The following DCAF10 variants were observed in gnomAD, a reference collection of about 807,000 sequenced individuals.
The protein encoded by DCAF10 is DDB1- and CUL4-associated factor 10.
DCAF10 carries 19 observed loss-of-function variants against 51.9 expected under a neutral mutation model. The observed-to-expected ratio is 0.37, with a 90% CI of 0.26 to 0.54. DCAF10 has a LOEUF of 0.54. DCAF10 is among the 20% of genes least tolerant of loss of function. The probability of loss-of-function intolerance (pLI) is 0.87; values close to 1 mark genes in which losing one functional copy is unlikely to be tolerated. For missense variants in DCAF10, 510 were observed against 730.6 expected (o/e 0.70, Z 3.48); for synonymous variants, 291 against 297.1 (o/e 0.98, Z 0.21).
chr9:37,855,788 T>A (rs1159694886), intron 4 of DCAF10, among the ~76,000 whole-genome samples: 1 of 152,192 alleles, frequency 6.6e-6, no homozygotes, highest in Admixed American at 6.5e-5. Context: ...GGTGGGAGGA[T>A]CGCTTGAGCC....
Position 37,801,575 on chromosome 9 carries a change from A to G in DCAF10, c.539+170A>G. On this transcript the variant is annotated intron_variant, in intron 1 of 6. Coordinates refer to ENST00000377724, the MANE Select transcript of DCAF10 (RefSeq NM_024345.5). The surrounding 1 kb of genome is among the most constrained non-coding windows in gnomAD (Gnocchi z 5.5). ...TCTGAAGCGCATTCTCGCCCTTGGA[A>G]TCCCCAGCCCAGCTTTTTGAGGCAG... is the stretch of plus-strand genomic sequence containing the variant. 1 of 869,150 alleles carries G rather than the reference A, an allele frequency of 1.2e-6. No individual in the cohort carries two copies. The highest frequency in any genetic ancestry group is 1.6e-6 in the Non-Finnish European group (1 of 633,502). The allele number at this position is 869,150 out of a possible 1,614,324, so 53.8% of individuals were successfully genotyped here.
intron 3 of DCAF10, among the ~76,000 whole-genome samples, chr9:37,853,524 A>T (rs934979415): frequency 6.7e-6 from 1 of 150,348 alleles, no homozygotes; most frequent in African/African-American, 2.5e-5. Context: ...TTAAGCATGT[A>T]TGTAAATCTC....
At chr9:37,826,481 A>G (rs896583690) in intron 2 of DCAF10, among the ~76,000 whole-genome samples, 7 of 152,190 alleles carry the variant, frequency 4.6e-5, no homozygotes, top group Non-Finnish European at 1.0e-4. Flanking sequence ...TACTAATGCT[A>G]TGACCCAGCA....
At chr9:37,855,225 T>C (rs1254646124) in intron 4 of DCAF10, among the ~76,000 whole-genome samples, 1 of 152,238 alleles carries the variant, frequency 6.6e-6, no homozygotes, top group Non-Finnish European at 1.5e-5. Context: ...CTGCTGACCC[T>C]AAAGTATTTT....
At chr9:37,845,965 A>G (rs9886747) in intron 3 of DCAF10, among the ~76,000 whole-genome samples, 29,059 of 152,104 alleles carry the variant, frequency 0.19, 3,178 homozygotes, top group African/African-American at 0.29. Flanking sequence ...AGAACATTCT[A>G]ATTTTATTAA....
In DCAF10 at chr9:37,829,434, C is replaced by T. The variant is rs1279197713; in HGVS notation, c.653+10033C>T. 6.6e-6 allele frequency among the ~76,000 whole-genome samples: 1 copy of T among 151,632 alleles called. No homozygotes were observed. The highest frequency in any genetic ancestry group is 6.6e-5 in the Admixed American group (1 of 15,204). Reference sequence around the variant, plus strand: ...CAGCCTGGGCAACAAGAGCAAGACTCCATGTCAAAAAAATTAATAAATAAA... The same window carrying T: ...CAGCCTGGGCAACAAGAGCAAGACTTCATGTCAAAAAAATTAATAAATAAA... On this transcript the variant is annotated intron_variant, in intron 2 of 6. Transcript: ENST00000377724. The surrounding 1 kb of genome is among the most constrained non-coding windows in gnomAD (Gnocchi z 4.2).
intron 2 of DCAF10, among the ~76,000 whole-genome samples, chr9:37,828,253 C>T (rs980714990): frequency 1.2e-4 from 18 of 152,188 alleles, no homozygotes; most frequent in African/African-American, 4.3e-4. Context: ...TTCACACTAC[C>T]ATATAGTTCA....
chr9:37,804,792 A>AG (rs1829063572), intron 1 of DCAF10, among the ~76,000 whole-genome samples: 1 of 152,006 alleles, frequency 6.6e-6, no homozygotes, highest in Non-Finnish European at 1.5e-5. Flanking sequence ...AAAAAAGTAG[A>AG]GAAAAAAGGC....
chr9:37,808,100 G>A lies in DCAF10; in HGVS notation c.539+6695G>A, dbSNP rs375715146. Reference sequence around the variant, plus strand: ...AGTTTCAAAAGATTGGTATCATACCGAATACAGTTTCTCACCACAATGTGA... The same window carrying A: ...AGTTTCAAAAGATTGGTATCATACCAAATACAGTTTCTCACCACAATGTGA... On this transcript the variant is annotated intron_variant, in intron 1 of 6. Transcript: ENST00000377724. 1.6e-4 allele frequency among the ~76,000 whole-genome samples: 24 copies of A among 152,128 alleles called. No homozygotes were observed. The South Asian group carries it at 3.9e-3, about 25-fold the overall frequency.
chr9:37,809,784 G>A (rs908508481), intron 1 of DCAF10, among the ~76,000 whole-genome samples: 1 of 152,190 alleles, frequency 6.6e-6, no homozygotes, highest in Non-Finnish European at 1.5e-5. Flanking sequence ...AGTGAGCCAA[G>A]ACTGTGCCAC....
chr9:37,809,466 T>C (rs144658381), intron 1 of DCAF10, among the ~76,000 whole-genome samples: 60 of 151,628 alleles, frequency 4.0e-4, no homozygotes, highest in Admixed American at 2.1e-3. Flanking sequence ...GACAAAGTTT[T>C]GTCTTTGAAA....
At chr9:37,855,977 C>T (rs1307534431) in intron 4 of DCAF10, among the ~76,000 whole-genome samples, 3 of 152,014 alleles carry the variant, frequency 2.0e-5, no homozygotes, top group Non-Finnish European at 2.9e-5. Flanking sequence ...ATGGTGAAAC[C>T]CTGTCTCTAC....
intron 2 of DCAF10, among the ~76,000 whole-genome samples, chr9:37,834,975 G>A (rs928048428): frequency 2.6e-5 from 4 of 151,918 alleles, no homozygotes; most frequent in African/African-American, 9.7e-5. Context: ...TCATAGAGAC[G>A]AGGTCTCATC....
intron 5 of DCAF10, among the ~76,000 whole-genome samples, chr9:37,857,882 A>G (rs1425723438): frequency 1.3e-5 from 2 of 152,130 alleles, no homozygotes; most frequent in Non-Finnish European, 2.9e-5. Context: ...GCTCTGCCCT[A>G]TACCTTCCAC....
intron 6 of DCAF10, 151 bp downstream of exon 6, chr9:37,860,344 C>T: frequency 1.0e-6 from 1 of 988,542 alleles, no homozygotes. Flanking sequence ...TGTTTCTGTC[C>T]TCTCTTGCTT....
At chr9:37,826,172 A>G (rs1829847714) in intron 2 of DCAF10, among the ~76,000 whole-genome samples, 1 of 152,234 alleles carries the variant, frequency 6.6e-6, no homozygotes, top group African/African-American at 2.4e-5. Flanking sequence ...ATTAATGCCC[A>G]GAATATACAA....
chr9:37,839,242 A>G (rs991867643), intron 2 of DCAF10, among the ~76,000 whole-genome samples: 3 of 151,886 alleles, frequency 2.0e-5, no homozygotes, highest in African/African-American at 7.3e-5. Flanking sequence ...TTGTATTTTT[A>G]GTAGAGACAG....
chr9:37,819,439 G>A (rs1247232565), intron 2 of DCAF10, 38 bp downstream of exon 2: 1 of 1,488,626 alleles, frequency 6.7e-7, no homozygotes, highest in East Asian at 2.3e-5. Flanking sequence ...TTATCAGTGT[G>A]GCCCAAAATG....
intron 1 of DCAF10, among the ~76,000 whole-genome samples, chr9:37,808,524 T>TAAATATATAAAAAATATATTTATATAA (rs1437584838): frequency 1.8e-5 from 2 of 110,622 alleles, no homozygotes; most frequent in Non-Finnish European, 3.6e-5. Flanking sequence ...ATATAATATA[T>TAAATATATAAAAAATATATTTATATAA]TATATAAATA....
Sources: gnomAD v4.1 joint callset for allele counts (sites outside exome capture counted in the v4.1 genomes callset) on GRCh38, gnomAD v4.1.1 for gene constraint, Gnocchi (gnomAD v3.1) non-coding constraint, MANE v1.5 for transcripts, NCBI Gene and HGNC (gene_info 2026-07-23, HGNC 2026-07-21) for gene names.